The following STAU2 variants were observed in gnomAD, a reference collection of about 807,000 sequenced individuals.
STAU2 encodes staufen double-stranded RNA binding protein 2, also known as double-stranded RNA-binding protein Staufen homolog 2.
STAU2 carries 20 observed loss-of-function variants against 65.9 expected under a neutral mutation model. That is an observed-to-expected ratio of 0.30 (90% CI 0.21 to 0.44). The LOEUF (loss-of-function observed/expected upper bound fraction) is 0.44. STAU2 is among the 20% of genes least tolerant of loss of function. The pLI, the probability that STAU2 is intolerant of heterozygous loss-of-function variation, is 1.00. For synonymous variants in STAU2, 232 were observed against 233.9 expected, an observed-to-expected ratio of 0.99 and a Z score of 0.07; for missense variants, 558 against 683.9, an observed-to-expected ratio of 0.82 and a Z score of 2.05.
chr8:73,519,431 T>G (rs1171839264), intron 13 of STAU2, among the ~76,000 whole-genome samples: 4 of 152,136 alleles, frequency 2.6e-5, no homozygotes, highest in Admixed American at 1.3e-4. Flanking sequence ...CCCTGGTACT[T>G]GAAGAAAGTA....
chr8:73,688,587 TAA>T, intron 5 of STAU2, 65 bp downstream of exon 5: 1 of 1,577,806 alleles, frequency 6.3e-7, no homozygotes, highest in Non-Finnish European at 8.7e-7. Flanking sequence ...TAGCCTACTA[TAA>T]ATGAAACATA....
intron 6 of STAU2, among the ~76,000 whole-genome samples, chr8:73,656,571 T>C (rs187243623): frequency 1.3e-5 from 2 of 152,370 alleles, no homozygotes; most frequent in African/African-American, 2.4e-5. Context: ...AGTTTAATTT[T>C]ATATAGTCCA....
intron 13 of STAU2, among the ~76,000 whole-genome samples, chr8:73,502,208 T>C (rs941806256): frequency 6.6e-6 from 1 of 151,988 alleles, no homozygotes; most frequent in South Asian, 2.1e-4. Flanking sequence ...TTGAACCACT[T>C]ATAATGTTAC....
At chr8:73,442,005 C>T (rs1206605124) in intron 13 of STAU2, among the ~76,000 whole-genome samples, 1 of 152,090 alleles carries the variant, frequency 6.6e-6, no homozygotes, top group Non-Finnish European at 1.5e-5. Context: ...CTTTTAGTTA[C>T]AGCTGAAAGG....
rs1820709000 is a variant in STAU2, at chr8:73,709,017, T to A, written c.114+15A>T. 6.7e-7 allele frequency: 1 copy of A among 1,496,544 alleles called. No individual in the cohort carries two copies. The highest frequency in any genetic ancestry group is 8.9e-7 in the Non-Finnish European group (1 of 1,129,734). 92.7% of individuals were successfully genotyped at this position (1,496,544 alleles called of 1,614,324 possible). ...TCTGATAAGTATGTCTCACCACCTC[T>A]CTTCATAACCTTACCTTTGAATGAG... On this transcript the variant is annotated intron_variant, in intron 4 of 14. Coordinates refer to ENST00000524300, the MANE Select transcript of STAU2 (RefSeq NM_001164380.2).
intron 4 of STAU2, among the ~76,000 whole-genome samples, chr8:73,701,426 A>C (rs763992601): frequency 9.9e-5 from 15 of 152,148 alleles, no homozygotes; most frequent in South Asian, 4.1e-4. Flanking sequence ...AAATAACTCT[A>C]TAGGAAAAAA....
intron 12 of STAU2, among the ~76,000 whole-genome samples, chr8:73,554,238 C>A (rs10108786): frequency 0.3 from 46,006 of 152,152 alleles, 7,218 homozygotes; most frequent in Non-Finnish European, 0.33. Flanking sequence ...ACATGGTGCT[C>A]CTCTTTGCCT....
chr8:73,429,498 T>A (rs2128881787), intron 13 of STAU2, among the ~76,000 whole-genome samples: 1 of 141,732 alleles, frequency 7.1e-6, no homozygotes, highest in South Asian at 2.4e-4. Flanking sequence ...AGTGGTGTGA[T>A]CATGGCTCGC....
At position 73,576,207 on chromosome 8, in the gene STAU2, G is replaced by C. The variant is rs542390209; in HGVS notation, c.1222+6563C>G. On this transcript the variant is annotated intron_variant, in intron 12 of 14. Transcript: ENST00000524300. Reference sequence around the variant, plus strand: ...GTTCAAAAATGTTCATAATAATATTGTTTATAATCACAAAATCCTGAAAAT... The same window carrying C: ...GTTCAAAAATGTTCATAATAATATTCTTTATAATCACAAAATCCTGAAAAT... Among the ~76,000 whole-genome samples, 6 of 152,072 alleles carry C rather than the reference G, an allele frequency of 3.9e-5. No homozygotes were observed. The South Asian group carries it at 1.2e-3, about 32-fold the overall frequency.
At position 73,660,439 on chromosome 8, in the gene STAU2, T is replaced by C. The variant is rs567603269; in HGVS notation, c.410+12668A>G. On this transcript the variant is annotated intron_variant, in intron 6 of 14. Coordinates refer to ENST00000524300, the MANE Select transcript of STAU2 (RefSeq NM_001164380.2). ...GCGAGACACCGGCTCAGGACCAAGA[T>C]TAAGTGGTGATCCCTGGGCCTGCCT... is the stretch of plus-strand genomic sequence containing the variant. 6.6e-5 allele frequency among the ~76,000 whole-genome samples: 10 copies of C among 152,176 alleles called. No homozygotes were observed. In the South Asian group the frequency reaches 1.9e-3, roughly 28 times the overall value.
intron 13 of STAU2, chr8:73,527,495 T>C (rs1017376819): frequency 2.3e-5 from 10 of 426,388 alleles, no homozygotes; most frequent in Non-Finnish European, 4.2e-5. Context: ...AAACAAGAAG[T>C]CTAAAATAAT....
chr8:73,691,344 C>T (rs1819310681), intron 4 of STAU2, among the ~76,000 whole-genome samples: 1 of 152,148 alleles, frequency 6.6e-6, no homozygotes, highest in Non-Finnish European at 1.5e-5. Flanking sequence ...TTTAACATCT[C>T]ATAACTCTTC....
At chr8:73,499,247 A>C (rs1487753139) in intron 13 of STAU2, among the ~76,000 whole-genome samples, 2 of 151,776 alleles carry the variant, frequency 1.3e-5, no homozygotes, top group African/African-American at 4.8e-5. Flanking sequence ...CTCTCAATAC[A>C]TCTATGTCCT....
chr8:73,571,009 T>C (rs919826836), intron 12 of STAU2, among the ~76,000 whole-genome samples: 4 of 152,046 alleles, frequency 2.6e-5, no homozygotes, highest in African/African-American at 9.7e-5. Context: ...CCATCTCACA[T>C]GCAGAGACAC....
chr8:73,519,445 T>C (rs984973858), intron 13 of STAU2, among the ~76,000 whole-genome samples: 1 of 152,150 alleles, frequency 6.6e-6, no homozygotes, highest in African/African-American at 2.4e-5. Flanking sequence ...GAAAGTAATT[T>C]AGGACGCCAC....
intron 13 of STAU2, among the ~76,000 whole-genome samples, chr8:73,537,080 G>A (rs533239436): frequency 4.6e-5 from 7 of 152,132 alleles, no homozygotes; most frequent in East Asian, 1.9e-4. Context: ...ATAGTCTCAC[G>A]AAAGAAATAC....
At chr8:73,502,210 T>C (rs1273507624) in intron 13 of STAU2, among the ~76,000 whole-genome samples, 6 of 151,922 alleles carry the variant, frequency 3.9e-5, no homozygotes, top group Admixed American at 2.0e-4. Context: ...GAACCACTTA[T>C]AATGTTACCA....
At chr8:73,598,715 A>C (rs976556628) in intron 10 of STAU2, among the ~76,000 whole-genome samples, 3 of 152,140 alleles carry the variant, frequency 2.0e-5, no homozygotes, top group Non-Finnish European at 2.9e-5. Flanking sequence ...GTAAAAAAAG[A>C]AGCAGAAGGG....
At chr8:73,522,492 G>A (rs1823092516) in intron 13 of STAU2, among the ~76,000 whole-genome samples, 1 of 152,090 alleles carries the variant, frequency 6.6e-6, no homozygotes, top group South Asian at 2.1e-4. Context: ...ATAAATGACT[G>A]ACAAGTTCAA....
Sources: allele counts gnomAD v4.1 joint callset (sites outside exome capture counted in the v4.1 genomes callset), GRCh38; gene constraint gnomAD v4.1.1; transcripts MANE v1.5; gene names NCBI Gene and HGNC (gene_info 2026-07-23, HGNC 2026-07-21).